TRPM3: variants seen among roughly 807,000 people sequenced by gnomAD.
The protein encoded by TRPM3 is long transient receptor potential channel 3.
A neutral mutation model predicts 181.2 loss-of-function variants in TRPM3; 77 were observed. The observed-to-expected ratio is 0.42, with a 90% CI of 0.35 to 0.51. The LOEUF is 0.51. Among genes scored for constraint, TRPM3 ranks in the 20% least tolerant of loss-of-function variants. The pLI, the probability that TRPM3 is intolerant of heterozygous loss-of-function variation, is 0.01. For missense variants in TRPM3, 1,759 were observed against 2,196.7 expected (o/e 0.80, Z 3.98); for synonymous variants, 745 against 796.4 (o/e 0.94, Z 1.09).
chr9:70,862,700 A>T (rs2095553084), intron 3 of TRPM3, among the ~76,000 whole-genome samples: 1 of 152,158 alleles, frequency 6.6e-6, no homozygotes, highest in Admixed American at 6.5e-5. Flanking sequence ...TTACTTTAAA[A>T]ATCCCAGGAG....
intron 1 of TRPM3, among the ~76,000 whole-genome samples, chr9:71,300,586 A>G (rs2086677940): frequency 6.6e-6 from 1 of 152,078 alleles, no homozygotes; most frequent in Admixed American, 6.6e-5. Flanking sequence ...TTCCTTGTGT[A>G]TGTTTGTTTT....
chr9:71,255,734 C>T (rs2082632312), intron 1 of TRPM3, among the ~76,000 whole-genome samples: 2 of 152,098 alleles, frequency 1.3e-5, no homozygotes. Flanking sequence ...TTGGGCAAGT[C>T]TTTTATTCTG....
At chr9:71,171,337 G>A (rs4084580) in intron 1 of TRPM3, among the ~76,000 whole-genome samples, 8,418 of 152,002 alleles carry the variant, frequency 0.055, 271 homozygotes, top group East Asian at 0.12. Flanking sequence ...ACACCTATTC[G>A]CACACTCCCT....
chr9:71,328,543 T>G (rs2089887937), intron 1 of TRPM3, among the ~76,000 whole-genome samples: 1 of 152,160 alleles, frequency 6.6e-6, no homozygotes, highest in African/African-American at 2.4e-5. Context: ...AAAATGTCTG[T>G]TTTTTACTTT....
chr9:71,407,851 C>T (rs1021762802), intron 1 of TRPM3, among the ~76,000 whole-genome samples: 29 of 152,248 alleles, frequency 1.9e-4, no homozygotes, highest in African/African-American at 4.8e-4. Context: ...CTCATACAGC[C>T]GGGTGCCCCT....
intron 9 of TRPM3, among the ~76,000 whole-genome samples, chr9:70,664,007 G>A (rs1290505483): frequency 1.3e-5 from 2 of 152,168 alleles, no homozygotes; most frequent in African/African-American, 4.8e-5. Context: ...GGATCACTTT[G>A]AAGATTAAAT....
intron 1 of TRPM3, among the ~76,000 whole-genome samples, chr9:71,046,359 A>G (rs1230675335): frequency 6.6e-6 from 1 of 152,192 alleles, no homozygotes; most frequent in Non-Finnish European, 1.5e-5. Context: ...TAAGGAATTC[A>G]TGCTGGGAAA....
intron 1 of TRPM3, among the ~76,000 whole-genome samples, chr9:71,413,897 G>C (rs1588918090): frequency 6.8e-6 from 1 of 146,838 alleles, no homozygotes; most frequent in South Asian, 2.2e-4. Context: ...CAGGTATTCT[G>C]TTACAGTCAC....
chr9:70,828,072 T>A, intron 5 of TRPM3, 54 bp from the exon 6 acceptor site: 1 of 1,534,828 alleles, frequency 6.5e-7, no homozygotes, highest in Non-Finnish European at 8.9e-7. Flanking sequence ...ACACAAGATA[T>A]GAAAAGGAGA....
chr9:70,628,977 C>G (rs1216526790), intron 12 of TRPM3, among the ~76,000 whole-genome samples: 1 of 151,772 alleles, frequency 6.6e-6, no homozygotes, highest in Non-Finnish European at 1.5e-5. Context: ...AATATTTATG[C>G]TTTCAAGGTG....
intron 1 of TRPM3, among the ~76,000 whole-genome samples, chr9:71,383,193 C>T (rs559366866): frequency 5.3e-5 from 8 of 152,116 alleles, no homozygotes; most frequent in Non-Finnish European, 1.2e-4. Flanking sequence ...GATACATACA[C>T]ATATATGCAT....
intron 1 of TRPM3, among the ~76,000 whole-genome samples, chr9:71,410,554 C>A (rs548933704): frequency 6.6e-6 from 1 of 152,210 alleles, no homozygotes; most frequent in South Asian, 2.1e-4. Flanking sequence ...AAAGACTAAA[C>A]CAGGAAGAAG....
intron 22 of TRPM3, among the ~76,000 whole-genome samples, chr9:70,559,218 T>C (rs1191296935): frequency 1.3e-5 from 2 of 152,198 alleles, no homozygotes; most frequent in Non-Finnish European, 2.9e-5. Context: ...CAATAAACAA[T>C]GGCTGAATGC....
At chr9:71,362,137 G>T (rs1361215861) in intron 1 of TRPM3, among the ~76,000 whole-genome samples, 2 of 152,132 alleles carry the variant, frequency 1.3e-5, no homozygotes, top group Non-Finnish European at 2.9e-5. Flanking sequence ...GGCCCCTGAA[G>T]GCCACACTTC....
chr9:70,896,648 G>C lies in TRPM3; in HGVS notation c.178-32137C>G, dbSNP rs557865610. 2.0e-5 allele frequency among the ~76,000 whole-genome samples: 3 copies of C among 152,224 alleles called. No individual in the cohort carries two copies. In the South Asian group the frequency reaches 6.2e-4, roughly 32 times the overall value. On this transcript the variant is annotated intron_variant, in intron 1 of 25. Transcript: ENST00000677713. ...AATAACAAAAGAAACAAAAACTATA[G>C]AGGTACTTAATCACAACTGGTATTC...
intron 7 of TRPM3, among the ~76,000 whole-genome samples, chr9:70,777,225 C>T (rs1470461727): frequency 6.6e-6 from 1 of 151,812 alleles, no homozygotes; most frequent in Non-Finnish European, 1.5e-5. Flanking sequence ...CCGACATTTG[C>T]TCTTTATGTT....
At chr9:71,059,011 ATTTTTTTTTT>A (rs1162577364) in intron 1 of TRPM3, among the ~76,000 whole-genome samples, 45 of 52,644 alleles carry the variant, frequency 8.5e-4, no homozygotes, top group South Asian at 1.3e-3. Context: ...TTGTTTGTTC[ATTTTTTTTTT>A]TTTTTTTTTT....
chr9:71,088,729 G>A (rs777149913), intron 1 of TRPM3, among the ~76,000 whole-genome samples: 3 of 152,006 alleles, frequency 2.0e-5, no homozygotes, highest in Non-Finnish European at 2.9e-5. Flanking sequence ...GGATATACAT[G>A]AGGTCATTTC....
At chr9:70,646,196 C>A (rs2058815973) in intron 9 of TRPM3, among the ~76,000 whole-genome samples, 1 of 152,192 alleles carries the variant, frequency 6.6e-6, no homozygotes, top group Non-Finnish European at 1.5e-5. Flanking sequence ...ACCAGAAATA[C>A]CATTTGACCC....
Sources: gnomAD v4.1 joint callset for allele counts (sites outside exome capture counted in the v4.1 genomes callset) on GRCh38, gnomAD v4.1.1 for gene constraint, MANE v1.5 for transcripts, NCBI Gene and HGNC (gene_info 2026-07-23, HGNC 2026-07-21) for gene names.